The following SUPT3H variants were observed in gnomAD, a reference collection of about 807,000 sequenced individuals.
The protein encoded by SUPT3H is transcription initiation protein SPT3 homolog.
Under a neutral mutation model 44.3 loss-of-function variants are expected in SUPT3H, and 44 were observed. That is an observed-to-expected ratio of 0.99 (90% CI 0.78 to 1.28). SUPT3H has a LOEUF of 1.28. Among genes scored for constraint, SUPT3H ranks in the 50% most tolerant of loss-of-function variants. The pLI, the probability that SUPT3H is intolerant of heterozygous loss-of-function variation, is 0.00. For synonymous variants in SUPT3H, 124 were observed against 125.6 expected, an observed-to-expected ratio of 0.99 and a Z score of 0.09; for missense variants, 380 against 387.1, an observed-to-expected ratio of 0.98 and a Z score of 0.15.
chr6:45,025,181 A>C (rs75696942), intron 3 of SUPT3H, among the ~76,000 whole-genome samples: 1 of 152,184 alleles, frequency 6.6e-6, no homozygotes, highest in Non-Finnish European at 1.5e-5. Context: ...ATTCTTTATA[A>C]GATGTGGCAC....
At chr6:44,862,917 C>T (rs764455913) in intron 10 of SUPT3H, among the ~76,000 whole-genome samples, 10 of 152,210 alleles carry the variant, frequency 6.6e-5, no homozygotes, top group East Asian at 1.9e-4. Flanking sequence ...TGATGGTGTA[C>T]AGCTTCTCTC....
rs367545172 is a variant in SUPT3H, at chr6:44,969,142, C to T, written c.505-7314G>A. Among the ~76,000 whole-genome samples, 238 of 152,236 alleles carry T rather than the reference C, an allele frequency of 1.6e-3. 8 individuals carry two copies. The South Asian group carries it at 0.048, about 31-fold the overall frequency. On this transcript the variant is annotated intron_variant, in intron 6 of 10. Coordinates refer to ENST00000371459, the MANE Select transcript of SUPT3H (RefSeq NM_003599.4). Reference sequence around the variant, plus strand: ...TTGTTCTTCTAGATAGTATTATACCCCTTCCTGCACTTTCCCATGTGTGCT... The same window carrying T: ...TTGTTCTTCTAGATAGTATTATACCTCTTCCTGCACTTTCCCATGTGTGCT...
chr6:45,354,609 C>G (rs974064114), intron 2 of SUPT3H, among the ~76,000 whole-genome samples: 1 of 139,198 alleles, frequency 7.2e-6, no homozygotes, highest in Admixed American at 7.6e-5. Flanking sequence ...CAAACAGTAA[C>G]TACACAAATG....
intron 2 of SUPT3H, among the ~76,000 whole-genome samples, chr6:45,235,017 C>T (rs982488712): frequency 5.3e-5 from 8 of 151,648 alleles, no homozygotes; most frequent in East Asian, 1.9e-4. Flanking sequence ...AGAATTTTTT[C>T]GGATTTAGGA....
chr6:45,321,798 G>A, intron 2 of SUPT3H: 1 of 1,600,402 alleles, frequency 6.2e-7, no homozygotes, highest in Non-Finnish European at 8.5e-7. Flanking sequence ...CTACTTACCT[G>A]CCAGAATCAT....
intron 7 of SUPT3H, among the ~76,000 whole-genome samples, chr6:44,956,571 T>C (rs767979916): frequency 6.6e-6 from 1 of 150,742 alleles, no homozygotes; most frequent in Non-Finnish European, 1.5e-5. Context: ...TAAACTGACA[T>C]CTGGTCTAAT....
At chr6:45,211,547 G>A (rs369731994) in intron 2 of SUPT3H, among the ~76,000 whole-genome samples, 2 of 152,054 alleles carry the variant, frequency 1.3e-5, no homozygotes, top group Non-Finnish European at 2.9e-5. Flanking sequence ...ATGGTCTCTA[G>A]GCCAATTAAA....
intron 7 of SUPT3H, among the ~76,000 whole-genome samples, chr6:44,957,796 T>G (rs1775430949): frequency 6.6e-6 from 1 of 152,188 alleles, no homozygotes; most frequent in Admixed American, 6.5e-5. Flanking sequence ...AAGTATTTTT[T>G]AAATAAAAGA....
intron 1 of SUPT3H, among the ~76,000 whole-genome samples, chr6:45,365,867 C>T (rs901062263): frequency 7.4e-6 from 1 of 134,416 alleles, no homozygotes; most frequent in East Asian, 2.0e-4. Flanking sequence ...TAATGTCAAT[C>T]GGTAGATCAA....
chr6:44,842,080 C>T (rs368327546), intron 10 of SUPT3H, among the ~76,000 whole-genome samples: 1 of 152,122 alleles, frequency 6.6e-6, no homozygotes, highest in East Asian at 1.9e-4. Flanking sequence ...ATGGAGGAAG[C>T]CATGCAGACA....
chr6:44,982,232 CTT>C (rs200691431), intron 6 of SUPT3H, among the ~76,000 whole-genome samples: 11 of 151,118 alleles, frequency 7.3e-5, no homozygotes, highest in Non-Finnish European at 1.5e-4. Flanking sequence ...GTCACCCAGG[CTT>C]TTTTTTTGAG....
intron 10 of SUPT3H, among the ~76,000 whole-genome samples, chr6:44,885,472 C>G (rs1477653061): frequency 6.6e-6 from 1 of 152,186 alleles, no homozygotes; most frequent in Non-Finnish European, 1.5e-5. Flanking sequence ...ATCCGCTGTT[C>G]TGCAGCCACC....
At chr6:45,091,010 T>C (rs1206640148) in intron 3 of SUPT3H, among the ~76,000 whole-genome samples, 2 of 151,990 alleles carry the variant, frequency 1.3e-5, no homozygotes, top group East Asian at 1.9e-4. Context: ...AATAATATGG[T>C]TGATTTCTGG....
intron 1 of SUPT3H, chr6:45,377,493 C>T (rs2150336741): frequency 6.6e-6 from 1 of 152,368 alleles, no homozygotes; most frequent in African/African-American, 2.4e-5. Flanking sequence ...CCCCCCTCAC[C>T]CCACGCCCAC....
chr6:45,052,278 A>G (rs960489659), intron 3 of SUPT3H, among the ~76,000 whole-genome samples: 8 of 152,222 alleles, frequency 5.3e-5, no homozygotes, highest in Non-Finnish European at 1.2e-4. Flanking sequence ...AGCCCATTTA[A>G]AAATGAGATT....
intron 2 of SUPT3H, among the ~76,000 whole-genome samples, chr6:45,153,626 T>C (rs1807305615): frequency 6.6e-6 from 1 of 152,148 alleles, no homozygotes; most frequent in Non-Finnish European, 1.5e-5. Flanking sequence ...ATCCCAACAC[T>C]TAGGGAGCCC....
At chr6:45,249,026 C>A (rs1771888489) in intron 2 of SUPT3H, among the ~76,000 whole-genome samples, 1 of 152,062 alleles carries the variant, frequency 6.6e-6, no homozygotes, top group Non-Finnish European at 1.5e-5. Flanking sequence ...ACGTACCATG[C>A]AATCTGGGAA....
At chr6:45,063,556 T>A (rs1315361724) in intron 3 of SUPT3H, among the ~76,000 whole-genome samples, 6 of 112,336 alleles carry the variant, frequency 5.3e-5, no homozygotes, top group African/African-American at 1.8e-4. Context: ...AGTTGAAAAC[T>A]TTGAAAAAAA....
intron 2 of SUPT3H, among the ~76,000 whole-genome samples, chr6:45,123,122 T>A (rs1244975360): frequency 1.3e-5 from 2 of 152,176 alleles, no homozygotes; most frequent in East Asian, 3.9e-4. Context: ...ACATATAAAC[T>A]TAATTCACTT....
Sources: gnomAD v4.1 joint callset for allele counts (sites outside exome capture counted in the v4.1 genomes callset) on GRCh38, gnomAD v4.1.1 for gene constraint, MANE v1.5 for transcripts, NCBI Gene and HGNC (gene_info 2026-07-23, HGNC 2026-07-21) for gene names.